The following SPRED2 variants were observed in gnomAD, a reference collection of about 807,000 sequenced individuals.
SPRED2 encodes sprouty-related, EVH1 domain-containing protein 2.
SPRED2 carries 47 observed loss-of-function variants against 43.0 expected under a neutral mutation model. That is an observed-to-expected ratio of 1.09 (90% CI 0.87 to 1.40). The LOEUF is 1.40. Among genes scored for constraint, SPRED2 ranks in the 40% most tolerant of loss-of-function variants. The pLI is 0.00. For missense variants in SPRED2, 561 were observed against 586.4 expected (o/e 0.96, Z 0.45); for synonymous variants, 225 against 225.7 (o/e 1.00, Z 0.03).
chr2:65,422,098 ACACACACTCTCTCTCT>A (rs1676439186), intron 1 of SPRED2, among the ~76,000 whole-genome samples: 1 of 113,094 alleles, frequency 8.8e-6, no homozygotes, highest in African/African-American at 3.3e-5. Flanking sequence ...ACACACACAC[ACACACACTCTCTCTCT>A]CTCTCTCTCT....
chr2:65,396,324 T>C (rs189952720), intron 1 of SPRED2, among the ~76,000 whole-genome samples: 10 of 152,356 alleles, frequency 6.6e-5, no homozygotes, highest in African/African-American at 2.2e-4. Context: ...GTGGGTTTAC[T>C]TGAAACCCAC....
At chr2:65,393,627 G>A (rs565666390) in intron 1 of SPRED2, among the ~76,000 whole-genome samples, 7 of 152,006 alleles carry the variant, frequency 4.6e-5, no homozygotes, top group African/African-American at 1.4e-4. Flanking sequence ...GAACCACTGC[G>A]CCTATTATTT....
chr2:65,341,109 G>GTGTGTT (rs1674170249), intron 2 of SPRED2, among the ~76,000 whole-genome samples: 1 of 131,474 alleles, frequency 7.6e-6, no homozygotes, highest in Admixed American at 8.3e-5. Flanking sequence ...ACGGGCGTGT[G>GTGTGTT]TGTGTGTGTG....
intron 4 of SPRED2, among the ~76,000 whole-genome samples, chr2:65,321,814 C>T (rs779705181): frequency 7.2e-5 from 11 of 152,222 alleles, no homozygotes; most frequent in Admixed American, 2.6e-4. Context: ...GATCTGTCAC[C>T]CAGGCTGGAG....
intron 1 of SPRED2, among the ~76,000 whole-genome samples, chr2:65,402,181 A>G (rs747482976): frequency 1.6e-4 from 23 of 143,026 alleles, no homozygotes; most frequent in Non-Finnish European, 2.7e-4. Context: ...CGGGAGCCTG[A>G]GGCACGAGAA....
chr2:65,332,706 C>T (rs1673850474), intron 3 of SPRED2, among the ~76,000 whole-genome samples: 2 of 152,254 alleles, frequency 1.3e-5, no homozygotes, highest in South Asian at 4.2e-4. Flanking sequence ...TGTTAGAAAA[C>T]CCTCCTTATT....
intron 1 of SPRED2, among the ~76,000 whole-genome samples, chr2:65,381,584 T>C (rs1301275325): frequency 6.6e-6 from 1 of 152,220 alleles, no homozygotes; most frequent in Non-Finnish European, 1.5e-5. Context: ...AAGCCCTTAA[T>C]ACATGTTGAC....
At chr2:65,428,545 G>A (rs1285452063) in intron 1 of SPRED2, among the ~76,000 whole-genome samples, 1 of 152,236 alleles carries the variant, frequency 6.6e-6, no homozygotes, top group Non-Finnish European at 1.5e-5. Flanking sequence ...CTCTTGAGAA[G>A]TAAGCTCAAA....
At chr2:65,377,015 C>A (rs1232178560) in intron 1 of SPRED2, among the ~76,000 whole-genome samples, 2 of 152,174 alleles carry the variant, frequency 1.3e-5, no homozygotes, top group Non-Finnish European at 2.9e-5. Flanking sequence ...TGCCTGGCCA[C>A]AATCTTTCCA....
intron 1 of SPRED2, among the ~76,000 whole-genome samples, chr2:65,423,462 A>G (rs1558693521): frequency 6.6e-6 from 1 of 152,226 alleles, no homozygotes; most frequent in Non-Finnish European, 1.5e-5. Flanking sequence ...TCACAGTACA[A>G]AAACTACCAG....
intron 1 of SPRED2, among the ~76,000 whole-genome samples, chr2:65,408,429 A>G (rs1250559836): frequency 6.6e-6 from 1 of 152,176 alleles, no homozygotes; most frequent in African/African-American, 2.4e-5. Context: ...ATGATGCCAC[A>G]GATTCCTGTA....
chr2:65,312,356 G>A lies in SPRED2; in HGVS notation c.*1145C>T, dbSNP rs1673092847. 1.0e-5 allele frequency: 10 copies of A among 985,088 alleles called. No homozygotes were observed. Among genetic ancestry groups the A allele is most frequent in the South Asian group, 4.7e-5 (1 of 21,284 alleles). 61.0% of individuals were successfully genotyped at this position (985,088 alleles called of 1,614,324 possible). On this transcript the variant is annotated 3_prime_UTR_variant, in exon 6 of 6. Transcript: ENST00000356388. Reference sequence around the variant, plus strand: ...TGTGAAATTGAGTCCAAAATGAAACGAAAACATAAACCCATGAAGAAAATG... The same window carrying A: ...TGTGAAATTGAGTCCAAAATGAAACAAAAACATAAACCCATGAAGAAAATG...
At chr2:65,358,489 A>G (rs1674719169) in intron 1 of SPRED2, among the ~76,000 whole-genome samples, 1 of 152,230 alleles carries the variant, frequency 6.6e-6, no homozygotes, top group South Asian at 2.1e-4. Context: ...CTCAACATGA[A>G]CTCCCCAGCC....
At chr2:65,361,093 T>A (rs1558668657) in intron 1 of SPRED2, among the ~76,000 whole-genome samples, 1 of 152,218 alleles carries the variant, frequency 6.6e-6, no homozygotes, top group Non-Finnish European at 1.5e-5. Flanking sequence ...TTAACACTAT[T>A]TAAAAAGTTA....
rs2104094879 is a variant in SPRED2 at position 65,312,129 on chromosome 2, T to A, written c.*1372A>T. ...AGATTTGGCTAATCCTTGCAACGTA[T>A]TAGAAAAATACTCTTTTCCAGCTAA... On this transcript the variant is annotated 3_prime_UTR_variant, in exon 6 of 6. Transcript: ENST00000356388. 1.0e-6 allele frequency: 1 copy of A among 985,504 alleles called. No homozygotes were observed. Among genetic ancestry groups the A allele is most frequent in the Non-Finnish European group, 1.2e-6 (1 of 829,950 alleles). The allele number at this position is 985,504 out of a possible 1,614,324, so 61.0% of individuals were successfully genotyped here.
chr2:65,393,326 C>CTT (rs55696467), intron 1 of SPRED2, among the ~76,000 whole-genome samples: 6,199 of 141,522 alleles, frequency 0.044, 153 homozygotes, highest in Middle Eastern at 0.074. Flanking sequence ...AATCATAAGG[C>CTT]TTTTTTTTTT....
intron 1 of SPRED2, among the ~76,000 whole-genome samples, chr2:65,402,744 T>C (rs1017158414): frequency 3.9e-5 from 6 of 152,350 alleles, no homozygotes; most frequent in African/African-American, 1.2e-4. Context: ...ATTGCCTGAA[T>C]TGGATTAATA....
intron 1 of SPRED2, among the ~76,000 whole-genome samples, chr2:65,385,366 C>T (rs564014892): frequency 1.9e-4 from 29 of 152,326 alleles, no homozygotes; most frequent in African/African-American, 6.7e-4. Flanking sequence ...TTCCCCTTTA[C>T]ATAAGAGGAG....
At position 65,313,421 on chromosome 2, in the gene SPRED2, G is replaced by C. The variant is rs931937881; in HGVS notation, c.*80C>G. 28 of 1,523,568 alleles carry C rather than the reference G, an allele frequency of 1.8e-5. No homozygotes were observed. The highest frequency in any genetic ancestry group is 2.4e-5 in the Non-Finnish European group (27 of 1,140,542). 94.4% of individuals were successfully genotyped at this position (1,523,568 alleles called of 1,614,324 possible). A position where few individuals can be genotyped will look rare whatever the true frequency, so the allele number is the denominator to read the frequency against. On this transcript the variant is annotated 3_prime_UTR_variant, in exon 6 of 6. Transcript: ENST00000356388. ...CCTCCTCGCTCCTTGGAGTGGAAGG[G>C]AGCGGGGGAGAAGATGAGAGTATGT...
Sources: allele counts gnomAD v4.1 joint callset (sites outside exome capture counted in the v4.1 genomes callset), GRCh38; gene constraint gnomAD v4.1.1; transcripts MANE v1.5; gene names NCBI Gene and HGNC (gene_info 2026-07-23, HGNC 2026-07-21).